The following PAMR1 variants were observed in gnomAD, a reference collection of about 807,000 sequenced individuals.
PAMR1 encodes peptidase domain containing associated with muscle regeneration 1.
Under a neutral mutation model 81.8 loss-of-function variants are expected in PAMR1, and 88 were observed. The ratio of observed to expected loss-of-function variants is 1.08; its 90% CI spans 0.91 to 1.28. The LOEUF is 1.28. Among genes scored for constraint, PAMR1 ranks in the 50% most tolerant of loss-of-function variants. The pLI, the probability that PAMR1 is intolerant of heterozygous loss-of-function variation, is 0.00. For missense variants in PAMR1, 935 were observed against 919.7 expected (o/e 1.02, Z -0.21); for synonymous variants, 336 against 345.3 (o/e 0.97, Z 0.30).
intron 3 of PAMR1, among the ~76,000 whole-genome samples, chr11:35,486,443 C>T (rs989753840): frequency 2.6e-5 from 4 of 152,234 alleles, no homozygotes; most frequent in Non-Finnish European, 5.9e-5. Flanking sequence ...TATCATTGTA[C>T]ATCCAGCACC....
At chr11:35,502,437 T>A (rs1285152083) in intron 1 of PAMR1, among the ~76,000 whole-genome samples, 2 of 152,148 alleles carry the variant, frequency 1.3e-5, no homozygotes, top group Non-Finnish European at 2.9e-5. Flanking sequence ...CAGGCCCCAG[T>A]GTGGGTTATT....
intron 3 of PAMR1, among the ~76,000 whole-genome samples, chr11:35,486,860 C>T (rs896373645): frequency 1.3e-5 from 2 of 152,144 alleles, no homozygotes; most frequent in African/African-American, 4.8e-5. Context: ...CATGGAGCGA[C>T]TGAAGTATTG....
At chr11:35,468,592 T>C (rs1225821330) in intron 5 of PAMR1, among the ~76,000 whole-genome samples, 1 of 152,220 alleles carries the variant, frequency 6.6e-6, no homozygotes, top group East Asian at 1.9e-4. Flanking sequence ...TAATCATTAG[T>C]CCCTTGAGAT....
chr11:35,441,645 T>C lies in PAMR1; in HGVS notation c.869A>G (p.Tyr290Cys). ...CCCAGGGCCCCCTGTTATTTTCTGG[T>C]ACCCATTGACTGGGCCCCCAGGGTC... is the stretch of plus-strand genomic sequence containing the variant. ...CSDPGGPVNG[Y>C]QKITGGPGLI... is the part of the protein sequence containing the mutation. Residue 290 changes from tyrosine to cysteine, a missense_variant, in exon 7 of 11, where the codon TAC becomes TGC. Coordinates refer to ENST00000619888, the MANE Select transcript of PAMR1 (RefSeq NM_001001991.3). 1 of 1,613,896 alleles carries C rather than the reference T, an allele frequency of 6.2e-7. No homozygotes were observed.
In PAMR1 at chr11:35,474,629, C is replaced by A. The variant is rs576718252; in HGVS notation, c.494+1G>T. 2.5e-5 allele frequency: 40 copies of A among 1,573,898 alleles called. No individual in the cohort carries two copies. Among genetic ancestry groups the A allele is most frequent in the Non-Finnish European group, 2.9e-5 (33 of 1,152,176 alleles). On this transcript the variant is annotated splice_donor_variant, in intron 4 of 10. Coordinates refer to ENST00000619888, the MANE Select transcript of PAMR1 (RefSeq NM_001001991.3). LOFTEE classifies it high-confidence loss of function. ...CCTGACTTCTGGCCCCAGCTCCTTA[C>A]CTTAGTTGGATGACAAACCCAGGTT...
At chr11:35,515,577 T>C (rs962938564) in intron 1 of PAMR1, among the ~76,000 whole-genome samples, 1 of 152,194 alleles carries the variant, frequency 6.6e-6, no homozygotes, top group African/African-American at 2.4e-5. Context: ...TGGATGGCCA[T>C]GAGCAACGTC....
chr11:35,506,865 T>G (rs1162489918), intron 1 of PAMR1, among the ~76,000 whole-genome samples: 1 of 119,540 alleles, frequency 8.4e-6, no homozygotes, highest in Non-Finnish European at 1.7e-5. Context: ...GTTTAGAAAG[T>G]TTTTTAGTTC....
intron 6 of PAMR1, among the ~76,000 whole-genome samples, chr11:35,463,214 G>A (rs1340037172): frequency 2.6e-5 from 4 of 152,116 alleles, no homozygotes; most frequent in African/African-American, 9.7e-5. Flanking sequence ...CTCTCAGCCT[G>A]AGCTCTTTTC....
chr11:35,450,957 C>T (rs778726587), intron 6 of PAMR1, among the ~76,000 whole-genome samples: 1 of 152,214 alleles, frequency 6.6e-6, no homozygotes, highest in African/African-American at 2.4e-5. Context: ...AGCTCCCCAT[C>T]GATTTTGACC....
intron 1 of PAMR1, among the ~76,000 whole-genome samples, chr11:35,522,667 T>G (rs2135428733): frequency 6.6e-6 from 1 of 152,354 alleles, no homozygotes; most frequent in African/African-American, 2.4e-5. Flanking sequence ...ACATATCTAA[T>G]CAAGTCCCTG....
chr11:35,457,978 A>C (rs1856570391), intron 6 of PAMR1, among the ~76,000 whole-genome samples: 1 of 152,150 alleles, frequency 6.6e-6, no homozygotes. Context: ...GAGCCTGTGC[A>C]CCCTGAGAGC....
intron 1 of PAMR1, among the ~76,000 whole-genome samples, chr11:35,518,372 T>C (rs1851208518): frequency 6.6e-6 from 1 of 151,872 alleles, no homozygotes; most frequent in South Asian, 2.1e-4. Context: ...GATCCCATGG[T>C]GGATGCAAAA....
Position 35,474,725 on chromosome 11 carries a change from T to C in PAMR1, c.399A>G (p.Arg133=), listed in dbSNP as rs1456305642. 2 of 1,610,092 alleles carry C rather than the reference T, an allele frequency of 1.2e-6. No homozygotes were observed. Among genetic ancestry groups the C allele is most frequent in the South Asian group, 1.1e-5 (1 of 90,228 alleles). ...GDCMRCGQVL[R]APKGQILLES... is the part of the protein sequence containing the mutation. ...CCAACAAAATCTGACCCTTTGGGGC[T>C]CGCAGAACCTGGCCACATCCTAAGA... Residue 133 remains arginine (R), a synonymous_variant, in exon 4 of 11, where the codon CGA becomes CGG. Coordinates refer to ENST00000619888, the MANE Select transcript of PAMR1 (RefSeq NM_001001991.3).
At chr11:35,483,097 G>T (rs762225206) in intron 3 of PAMR1, among the ~76,000 whole-genome samples, 1 of 152,076 alleles carries the variant, frequency 6.6e-6, no homozygotes, top group East Asian at 1.9e-4. Context: ...GATTGCAAAC[G>T]CCCTCTCCTC....
intron 1 of PAMR1, among the ~76,000 whole-genome samples, chr11:35,505,172 CTTG>C (rs1383765914): frequency 1.3e-5 from 2 of 152,076 alleles, no homozygotes; most frequent in Non-Finnish European, 2.9e-5. Flanking sequence ...CAAGGTTCCT[CTTG>C]TTATTTATTT....
Position 35,498,001 on chromosome 11 carries a change from G to A in PAMR1, c.74-3729C>T, listed in dbSNP as rs187719800. On this transcript the variant is annotated intron_variant, in intron 1 of 10. Coordinates refer to ENST00000619888, the MANE Select transcript of PAMR1 (RefSeq NM_001001991.3). ...AAATAAACACAGGCCATATGCACAG[G>A]ACAAAAACCAAGCTTACTTGAAAGT... 2.8e-3 allele frequency among the ~76,000 whole-genome samples: 421 copies of A among 152,214 alleles called. 2 individuals carry two copies. Among genetic ancestry groups the A allele is most frequent in the African/African-American group, 9.2e-3 (384 of 41,546 alleles).
chr11:35,467,194 G>A (rs999327348), intron 6 of PAMR1, among the ~76,000 whole-genome samples: 1 of 152,032 alleles, frequency 6.6e-6, no homozygotes, highest in African/African-American at 2.4e-5. Flanking sequence ...CACTGAGGTT[G>A]GTATTTTGCC....
rs1192499092 is a variant in PAMR1, at chr11:35,470,775, C to T, written c.538G>A (p.Asp180Asn). 6.2e-7 allele frequency: 1 copy of T among 1,614,094 alleles called. No individual in the cohort carries two copies. The highest frequency in any genetic ancestry group is 8.5e-7 in the Non-Finnish European group (1 of 1,179,992). ...SLEFDYMCQYDYVEVRDGDNR... is the reference protein window; with the variant it reads ...SLEFDYMCQYNYVEVRDGDNR... Reference sequence around the variant, plus strand: ...TCTCCATCACGAACCTCAACATAGTCATACTGGCACATGTAGTCAAACTCC... The same window carrying T: ...TCTCCATCACGAACCTCAACATAGTTATACTGGCACATGTAGTCAAACTCC... The change falls in exon 5 of 11, where the codon GAC (aspartate) becomes AAC (asparagine). Residue 180 changes from aspartate (D) to asparagine (N), a missense_variant. By Grantham distance (23) the Asp-to-Asn change is conservative. Coordinates refer to ENST00000619888, the MANE Select transcript of PAMR1 (RefSeq NM_001001991.3).
At chr11:35,491,225 T>C (rs1482112319) in intron 3 of PAMR1, among the ~76,000 whole-genome samples, 3 of 152,138 alleles carry the variant, frequency 2.0e-5, no homozygotes, top group African/African-American at 7.2e-5. Flanking sequence ...CATATACTCA[T>C]CCTTAGCCAC....
Sources: gnomAD v4.1 joint callset for allele counts (sites outside exome capture counted in the v4.1 genomes callset) on GRCh38, gnomAD v4.1.1 for gene constraint, MANE v1.5 for transcripts, NCBI Gene and HGNC (gene_info 2026-07-23, HGNC 2026-07-21) for gene names.